SYTL3: variants seen among roughly 807,000 people sequenced by gnomAD.
SYTL3 encodes synaptotagmin-like protein 3.
SYTL3 carries 88 observed loss-of-function variants against 82.1 expected under a neutral mutation model. The ratio of observed to expected loss-of-function variants is 1.07; its 90% CI spans 0.90 to 1.28. The LOEUF is 1.28. Among genes scored for constraint, SYTL3 ranks in the 50% most tolerant of loss-of-function variants. The probability of loss-of-function intolerance (pLI) is 0.00; values close to 1 mark genes in which losing one functional copy is unlikely to be tolerated. For synonymous variants in SYTL3, 311 were observed against 289.4 expected, an observed-to-expected ratio of 1.07 and a Z score of -0.76; for missense variants, 831 against 757.6, an observed-to-expected ratio of 1.10 and a Z score of -1.14.
At chr6:158,689,790 A>AT (rs1779670302) in intron 6 of SYTL3, among the ~76,000 whole-genome samples, 1 of 151,860 alleles carries the variant, frequency 6.6e-6, no homozygotes, top group Non-Finnish European at 1.5e-5. Context: ...AGTAGCTGGG[A>AT]TTATAGGCAC....
chr6:158,670,593 C>T (rs1335954985), intron 5 of SYTL3, among the ~76,000 whole-genome samples: 2 of 152,030 alleles, frequency 1.3e-5, no homozygotes, highest in Admixed American at 1.3e-4. Context: ...ACCAGCCTGG[C>T]CAACATGGTG....
At chr6:158,706,507 G>A (rs368007481) in intron 6 of SYTL3, among the ~76,000 whole-genome samples, 20 of 152,250 alleles carry the variant, frequency 1.3e-4, no homozygotes, top group African/African-American at 4.6e-4. Flanking sequence ...CAGGCCCGGT[G>A]TTCTGGTCTG....
intron 14 of SYTL3, among the ~76,000 whole-genome samples, chr6:158,759,662 G>C (rs554721924): frequency 6.2e-4 from 94 of 152,284 alleles, no homozygotes; most frequent in African/African-American, 2.2e-3. Flanking sequence ...CTCCCTAGTA[G>C]CTGGGATTAT....
At chr6:158,760,591 T>C in intron 14 of SYTL3, 49 bp from the exon 15 acceptor site, 1 of 1,541,814 alleles carries the variant, frequency 6.5e-7, no homozygotes, top group South Asian at 1.1e-5. Context: ...CCCAGAAGGT[T>C]CTTGGGACTT....
At chr6:158,758,589 C>T (rs181720354) in intron 14 of SYTL3, among the ~76,000 whole-genome samples, 283 of 152,314 alleles carry the variant, frequency 1.9e-3, no homozygotes, top group African/African-American at 6.5e-3. Context: ...TTCGCATTAT[C>T]TCTGCCTGGA....
chr6:158,669,464 A>G (rs1006982911), intron 5 of SYTL3, among the ~76,000 whole-genome samples: 3 of 152,208 alleles, frequency 2.0e-5, no homozygotes, highest in Non-Finnish European at 4.4e-5. Flanking sequence ...CTTTAGAACC[A>G]AATTGGTTTG....
intron 8 of SYTL3, among the ~76,000 whole-genome samples, chr6:158,712,445 T>C (rs1782856076): frequency 6.6e-6 from 1 of 152,108 alleles, no homozygotes; most frequent in Admixed American, 6.6e-5. Context: ...AGTCCACGAG[T>C]CCACCCCTTG....
chr6:158,650,314 T>C (rs1163919845), intron 1 of SYTL3, among the ~76,000 whole-genome samples: 1 of 152,046 alleles, frequency 6.6e-6, no homozygotes, highest in East Asian at 1.9e-4. Context: ...TCAGAGTTAA[T>C]TAAAAACCAA....
At chr6:158,741,466 G>A (rs1002715031) in intron 11 of SYTL3, among the ~76,000 whole-genome samples, 4 of 152,142 alleles carry the variant, frequency 2.6e-5, no homozygotes, top group East Asian at 1.9e-4. Flanking sequence ...GGCTGCAGGC[G>A]TTTCAATTTT....
intron 9 of SYTL3, among the ~76,000 whole-genome samples, chr6:158,715,934 AG>A (rs1259160732): frequency 6.6e-6 from 1 of 152,010 alleles, no homozygotes; most frequent in Non-Finnish European, 1.5e-5. Flanking sequence ...CCTCATTCTG[AG>A]GGGAGGAAGA....
At chr6:158,689,651 C>CTT (rs34593490) in intron 6 of SYTL3, among the ~76,000 whole-genome samples, 4,577 of 144,782 alleles carry the variant, frequency 0.032, 119 homozygotes, top group Middle Eastern at 0.07. Context: ...TTTTACTTAA[C>CTT]TTTTTTTTTT....
chr6:158,663,048 C>T lies in SYTL3; in HGVS notation c.-221C>T, dbSNP rs895182399. 12 of 441,330 alleles carry T rather than the reference C, an allele frequency of 2.7e-5. No homozygotes were observed. Among genetic ancestry groups the T allele is most frequent in the South Asian group, 1.6e-4 (4 of 25,802 alleles). The allele number at this position is 441,330 out of a possible 1,614,324, so 27.3% of individuals were successfully genotyped here. Reference sequence around the variant, plus strand: ...CACGAGGCTCTGCGAGCCGTAACTCCGACAAACGCAGAACTTCTTGAGGCT... The same window carrying T: ...CACGAGGCTCTGCGAGCCGTAACTCTGACAAACGCAGAACTTCTTGAGGCT... On this transcript the variant is annotated 5_prime_UTR_variant, in exon 4 of 18. Coordinates refer to ENST00000611299, the MANE Select transcript of SYTL3 (RefSeq NM_001242394.2).
At chr6:158,708,172 G>T in intron 7 of SYTL3, 150 bp from the exon 8 acceptor site, 1 of 711,644 alleles carries the variant, frequency 1.4e-6, no homozygotes, top group Non-Finnish European at 2.5e-6. Context: ...GTCCAAGCAG[G>T]GCTGCTGGCT....
intron 10 of SYTL3, among the ~76,000 whole-genome samples, chr6:158,722,075 G>C (rs986850534): frequency 6.6e-6 from 1 of 152,204 alleles, no homozygotes; most frequent in Non-Finnish European, 1.5e-5. Context: ...CCCTGCTTTG[G>C]AAGTAGAGGA....
chr6:158,745,830 C>G (rs925726405), intron 12 of SYTL3, among the ~76,000 whole-genome samples, 172 bp downstream of exon 12: 3 of 151,200 alleles, frequency 2.0e-5, no homozygotes, highest in Non-Finnish European at 4.4e-5. Context: ...GTTATTGATA[C>G]AAGGACAGAA....
chr6:158,663,371 A>G lies in SYTL3; in HGVS notation c.103A>G (p.Arg35Gly). The part of the protein sequence containing the change: ...DQAVQNTEEE[R>G]TRKLKTHLQH... The stretch of plus-strand genomic sequence containing the variant: ...GGCGGTTCAAAACACAGAGGAGGAG[A>G]GGACACGGTAGGCTGCCCTTCCCGG... Residue 35 changes from arginine to glycine, a missense_variant, in exon 4 of 18, where the codon AGG (arginine) becomes GGG (glycine). Transcript: ENST00000611299. The G allele has an allele frequency of 6.2e-7, 1 of 1,613,110 alleles. No homozygotes were observed.
intron 6 of SYTL3, among the ~76,000 whole-genome samples, chr6:158,704,436 G>T (rs1166927065): frequency 6.6e-6 from 1 of 152,258 alleles, no homozygotes; most frequent in Admixed American, 6.5e-5. Context: ...GGACGCGGGG[G>T]ATTTGCGACC....
upstream of SYTL3, among the ~76,000 whole-genome samples, chr6:158,649,368 C>A (rs1473573844): frequency 6.6e-6 from 1 of 152,218 alleles, no homozygotes; most frequent in African/African-American, 2.4e-5. Flanking sequence ...GCTGGAGCAG[C>A]CTGTGTCTGG....
intron 14 of SYTL3, among the ~76,000 whole-genome samples, chr6:158,757,726 G>A (rs1158332339): frequency 4.6e-5 from 7 of 152,164 alleles, no homozygotes; most frequent in Non-Finnish European, 5.9e-5. Flanking sequence ...TGGGGGCACC[G>A]CCCGCAGCTA....
Sources: gnomAD v4.1 joint callset for allele counts (sites outside exome capture counted in the v4.1 genomes callset) on GRCh38, gnomAD v4.1.1 for gene constraint, MANE v1.5 for transcripts, NCBI Gene and HGNC (gene_info 2026-07-23, HGNC 2026-07-21) for gene names.